POLR1A: variants seen among roughly 807,000 people sequenced by gnomAD.
POLR1A encodes the protein DNA-directed RNA polymerase I subunit RPA1.
In POLR1A, 84 loss-of-function variants were observed where a neutral mutation model predicts 205.3. The ratio of observed to expected loss-of-function variants is 0.41; its 90% confidence interval spans 0.34 to 0.49. POLR1A has a LOEUF of 0.49. POLR1A is among the 20% of genes least tolerant of loss of function. The pLI is 0.22. For missense variants in POLR1A, 1,645 were observed against 2,204.5 expected, an observed-to-expected ratio of 0.75 and a Z score of 5.08; for synonymous variants, 799 against 863.7, an observed-to-expected ratio of 0.93 and a Z score of 1.31.
intron 13 of POLR1A, among the ~76,000 whole-genome samples, chr2:86,068,021 T>C (rs1673111460): frequency 6.6e-6 from 1 of 152,186 alleles, no homozygotes; most frequent in Non-Finnish European, 1.5e-5. Flanking sequence ...CTCATAGGCA[T>C]ATTAGCATGT....
At chr2:86,076,668 C>T (rs1309455467) in intron 11 of POLR1A, among the ~76,000 whole-genome samples, 1 of 152,210 alleles carries the variant, frequency 6.6e-6, no homozygotes, top group Non-Finnish European at 1.5e-5. Flanking sequence ...GGGGTCTCTC[C>T]TCCAGGGACA....
At chr2:86,103,771 A>G (rs180672867) in intron 1 of POLR1A, among the ~76,000 whole-genome samples, 12 of 152,334 alleles carry the variant, frequency 7.9e-5, no homozygotes, top group African/African-American at 2.6e-4. Flanking sequence ...CATAAGCACA[A>G]AAAGTCACTA....
intron 19 of POLR1A, among the ~76,000 whole-genome samples, chr2:86,046,551 T>A (rs984223037): frequency 3.3e-5 from 5 of 152,110 alleles, no homozygotes; most frequent in African/African-American, 1.2e-4. Flanking sequence ...TAATTTAATA[T>A]TATGAAAAGA....
chr2:86,061,831 G>A (rs1259381872), intron 14 of POLR1A, among the ~76,000 whole-genome samples: 2 of 152,114 alleles, frequency 1.3e-5, no homozygotes, highest in Non-Finnish European at 2.9e-5. Flanking sequence ...TTTGACGAGG[G>A]GTAGAAACTG....
In POLR1A at chr2:86,039,251, G is replaced by C. The variant is rs552365310; in HGVS notation, c.3876+76C>G. On this transcript the variant is annotated intron_variant, in intron 26 of 33. Coordinates refer to ENST00000263857, the MANE Select transcript of POLR1A (RefSeq NM_015425.6). ...GCCTAGGGTCAGAGCAGTAAGCAAA[G>C]CCTGTTCTTCACACATGGGGAGGAT... 3.3e-6 allele frequency: 5 copies of C among 1,505,820 alleles called. No homozygotes were observed. The East Asian group carries it at 6.8e-5, about 20-fold the overall frequency. The allele number at this position is 1,505,820 out of a possible 1,614,324, so 93.3% of individuals were successfully genotyped here.
At chr2:86,051,825 A>G (rs886910943) in intron 16 of POLR1A, among the ~76,000 whole-genome samples, 5 of 152,170 alleles carry the variant, frequency 3.3e-5, no homozygotes, top group Non-Finnish European at 7.4e-5. Context: ...TATCAAAGCC[A>G]TTTTCCTAAA....
chr2:86,047,114 C>A, intron 19 of POLR1A, 51 bp downstream of exon 19: 2 of 1,241,766 alleles, frequency 1.6e-6, no homozygotes, highest in Non-Finnish European at 2.4e-6. Context: ...TGCTATCCCC[C>A]ACCTGCCTTT....
At chr2:86,086,341 C>G (rs1366532550) in intron 6 of POLR1A, among the ~76,000 whole-genome samples, 1 of 152,202 alleles carries the variant, frequency 6.6e-6, no homozygotes, top group Non-Finnish European at 1.5e-5. Flanking sequence ...CTGACTCGGC[C>G]TCCCGAAGTG....
rs971399393 is a variant in POLR1A at position 86,054,186 on chromosome 2, G to A, written c.2162C>T (p.Pro721Leu). 12 of 1,613,874 alleles carry A rather than the reference G, an allele frequency of 7.4e-6. No individual in the cohort carries two copies. The highest frequency in any genetic ancestry group is 9.3e-6 in the Non-Finnish European group (11 of 1,179,892). The change falls in exon 15 of 34, where the codon CCT becomes CTT. Residue 721 changes from proline to leucine, a missense_variant. By Grantham distance (98) the Pro-to-Leu change is moderately conservative. Transcript: ENST00000263857. The part of the protein sequence containing the change: ...ITGKAWVKET[P>L]RSVPGFNPDS... ...AGGGTTAAAGCCAGGAACGGATCGA[G>A]GAGTTTCCTTCACCCAGGCTTTCCC...
At chr2:86,076,525 G>A (rs1285698078) in intron 11 of POLR1A, among the ~76,000 whole-genome samples, 1 of 152,236 alleles carries the variant, frequency 6.6e-6, no homozygotes, top group Non-Finnish European at 1.5e-5. Context: ...TATGGGAAGT[G>A]TGTGATCCAA....
intron 9 of POLR1A, among the ~76,000 whole-genome samples, chr2:86,080,592 G>A (rs780719040): frequency 6.6e-5 from 10 of 152,204 alleles, no homozygotes; most frequent in African/African-American, 1.7e-4. Flanking sequence ...ATGGTCGTTC[G>A]GTGTAGAAGC....
At chr2:86,041,190 T>TGTGTGTGTGTGCGCGCGCACGCGCGC (rs1212728761) in intron 24 of POLR1A, among the ~76,000 whole-genome samples, 2 of 41,926 alleles carry the variant, frequency 4.8e-5, no homozygotes, top group African/African-American at 1.4e-4. Flanking sequence ...TGTGTGTGTG[T>TGTGTGTGTGTGCGCGCGCACGCGCGC]GCGCGCTGAG....
In POLR1A at chr2:86,105,857, C is replaced by G. The variant is rs535073046; in HGVS notation, c.-81G>C. On this transcript the variant is annotated 5_prime_UTR_variant, in exon 1 of 34. Transcript: ENST00000263857. The stretch of plus-strand genomic sequence containing the variant: ...ACTATTCTTAATTCAACCTCAAGCC[C>G]GGAGTCACCACGCGATTCAACGTGC... 7.0e-6 allele frequency: 9 copies of G among 1,285,866 alleles called. No homozygotes were observed. Among genetic ancestry groups the G allele is most frequent in the South Asian group, 6.2e-5 (5 of 81,148 alleles). 79.7% of individuals were successfully genotyped at this position (1,285,866 alleles called of 1,614,324 possible). A position where few individuals can be genotyped will look rare whatever the true frequency, so the allele number is the denominator to read the frequency against.
At position 86,022,622 on chromosome 2, in the gene POLR1A, CTT is replaced by C. The variant is rs1463245364; in HGVS notation, c.*4799_*4800del. On this transcript the variant is annotated 3_prime_UTR_variant, in exon 34 of 34. Transcript: ENST00000263857. ...TCTTTTTTTCAGACGGGGTCTCACT[CTT>C]GTCACCCGAGCTGGAGTGCAGTGGT... is the stretch of plus-strand genomic sequence containing the variant. The C allele has an allele frequency of 1.3e-5, 2 of 152,232 alleles. No individual in the cohort carries two copies. Among genetic ancestry groups the C allele is most frequent in the African/African-American group, 4.8e-5 (2 of 41,426 alleles). 9.4% of individuals were successfully genotyped at this position (152,232 alleles called of 1,614,324 possible). A position where few individuals can be genotyped will look rare whatever the true frequency, so the allele number is the denominator to read the frequency against.
intron 6 of POLR1A, 131 bp downstream of exon 6, chr2:86,088,435 A>G (rs1389113081): frequency 1.6e-6 from 1 of 640,116 alleles, no homozygotes; most frequent in East Asian, 2.7e-5. Context: ...AGAGGCCTGC[A>G]CACTGTGCCT....
At chr2:86,055,839 A>G (rs1203967909) in intron 14 of POLR1A, among the ~76,000 whole-genome samples, 1 of 152,242 alleles carries the variant, frequency 6.6e-6, no homozygotes, top group Admixed American at 6.5e-5. Flanking sequence ...TCAATGATAG[A>G]AGACTGGATG....
chr2:86,035,090 T>C (rs1018721403), intron 27 of POLR1A, among the ~76,000 whole-genome samples: 33 of 152,358 alleles, frequency 2.2e-4, no homozygotes, highest in African/African-American at 7.9e-4. Flanking sequence ...AGGCTGATTG[T>C]GGACTCCTGA....
At position 86,026,794 on chromosome 2, in the gene POLR1A, G is replaced by A. The variant is rs74564325; in HGVS notation, c.*629C>T. On this transcript the variant is annotated 3_prime_UTR_variant, in exon 34 of 34. Transcript: ENST00000263857. The stretch of plus-strand genomic sequence containing the variant: ...CCTCGCCACACAGTGGCAGGGCCAG[G>A]ACCCTGGCCAGGCAGAGAGGTTGGG... 1,825 of 155,196 alleles carry A rather than the reference G, an allele frequency of 0.012. 45 individuals are homozygous for A. The highest frequency in any genetic ancestry group is 0.042 in the African/African-American group (1,734 of 41,614). 9.6% of individuals were successfully genotyped at this position (155,196 alleles called of 1,614,324 possible). A position where few individuals can be genotyped will look rare whatever the true frequency, so the allele number is the denominator to read the frequency against.
Position 86,088,672 on chromosome 2 carries a change from G to A in POLR1A, c.627-3C>T. On this transcript the variant is annotated splice_polypyrimidine_tract_variant and splice_region_variant and intron_variant, in intron 5 of 33. Coordinates refer to ENST00000263857, the MANE Select transcript of POLR1A (RefSeq NM_015425.6). ...TTCGGACAACGGATCGCCCGGTCCTGTGCAGGAGGACAGTTGTGATTGAAG... is the reference window on the plus strand; with the variant it reads ...TTCGGACAACGGATCGCCCGGTCCTATGCAGGAGGACAGTTGTGATTGAAG... 3 of 1,612,428 alleles carry A rather than the reference G, an allele frequency of 1.9e-6. No homozygotes were observed. Among genetic ancestry groups the A allele is most frequent in the Non-Finnish European group, 2.5e-6 (3 of 1,178,416 alleles).
Sources: gnomAD v4.1 joint callset for allele counts (sites outside exome capture counted in the v4.1 genomes callset) on GRCh38, gnomAD v4.1.1 for gene constraint, MANE v1.5 for transcripts, NCBI Gene and HGNC (gene_info 2026-07-23, HGNC 2026-07-21) for gene names.